BOC: variants seen among roughly 807,000 people sequenced by gnomAD.
The protein encoded by BOC is brother of CDO.
In BOC, 76 loss-of-function variants were observed where a neutral mutation model predicts 112.0. The ratio of observed to expected loss-of-function variants is 0.68; its 90% confidence interval spans 0.56 to 0.82. BOC has a LOEUF of 0.82. Among genes scored for constraint, BOC ranks in the 40% least tolerant of loss-of-function variants. The pLI is 0.00. For missense variants in BOC, 1,309 were observed against 1,511.7 expected, an observed-to-expected ratio of 0.87 and a Z score of 2.22; for synonymous variants, 580 against 599.8, an observed-to-expected ratio of 0.97 and a Z score of 0.48.
intron 2 of BOC, among the ~76,000 whole-genome samples, chr3:113,225,612 G>A (rs1941539399): frequency 6.6e-6 from 1 of 152,192 alleles, no homozygotes; most frequent in African/African-American, 2.4e-5. Context: ...TATTTGCCTG[G>A]CTAATATTAC....
intron 16 of BOC, 24 bp downstream of exon 16, chr3:113,283,656 G>A (rs779841546): frequency 2.9e-5 from 47 of 1,602,828 alleles, no homozygotes; most frequent in Non-Finnish European, 3.9e-5. Flanking sequence ...GCTTTCAGTG[G>A]GAGGATCCTG....
chr3:113,225,271 CA>C (rs369675040), intron 2 of BOC, among the ~76,000 whole-genome samples: 13,398 of 120,166 alleles, frequency 0.11, 613 homozygotes, highest in African/African-American at 0.15. Flanking sequence ...AAGACCTTGT[CA>C]AAAAAAAAAA....
rs1948859292 is a variant in BOC, at chr3:113,278,348, C to G, written c.1705+91C>G. On this transcript the variant is annotated intron_variant, in intron 10 of 19. Transcript: ENST00000682979. This position sits in a 1 kb window ranked among gnomAD's most constrained non-coding sequence, Gnocchi z 4.2. ...GTGAGAATTCCTGCTCACCTTGCCC[C>G]AGCTGTTCACCTTGAACTTCATCTT... The G allele has an allele frequency of 3.6e-6, 5 of 1,383,794 alleles. No individual in the cohort carries two copies. The highest frequency in any genetic ancestry group is 2.6e-5 in the South Asian group (2 of 76,546). The allele number at this position is 1,383,794 out of a possible 1,614,324, so 85.7% of individuals were successfully genotyped here.
At chr3:113,275,311 T>C (rs1413875536) in intron 9 of BOC, among the ~76,000 whole-genome samples, 1 of 152,210 alleles carries the variant, frequency 6.6e-6, no homozygotes, top group Non-Finnish European at 1.5e-5. Flanking sequence ...AGGTGAATGC[T>C]TCAGGAGCTG....
Position 113,270,967 on chromosome 3 carries a change from G to C in BOC, c.667+23G>C, listed in dbSNP as rs368976709. On this transcript the variant is annotated intron_variant, in intron 6 of 19. Transcript: ENST00000682979. The stretch of plus-strand genomic sequence containing the variant: ...GCCGTAAGGCCCGGGCCCACCTGCT[G>C]GGGGATGGGGGATCACTGATGGAAG... 1.9e-6 allele frequency: 3 copies of C among 1,613,810 alleles called. 1 individual carries two copies. Among genetic ancestry groups the C allele is most frequent in the Non-Finnish European group, 1.7e-6 (2 of 1,179,994 alleles).
At chr3:113,242,804 T>C (rs1169420862) in intron 2 of BOC, among the ~76,000 whole-genome samples, 2 of 152,128 alleles carry the variant, frequency 1.3e-5, no homozygotes, top group African/African-American at 4.8e-5. Context: ...CTACCTTGTC[T>C]CTTTTCGTTC....
chr3:113,232,304 C>T lies in BOC; in HGVS notation c.-82+16030C>T, dbSNP rs542101318. On this transcript the variant is annotated intron_variant, in intron 2 of 19. Coordinates refer to ENST00000682979, the MANE Select transcript of BOC (RefSeq NM_001378074.1). ...GGGGCTGGGGGCTTCCAGCAGAAGG[C>T]AGGGACTGTTTGACAGACCAACTGC... Among the ~76,000 whole-genome samples, 10 of 152,298 alleles carry T rather than the reference C, an allele frequency of 6.6e-5. No homozygotes were observed. The East Asian group carries it at 1.9e-3, about 29-fold the overall frequency.
chr3:113,217,350 T>TACAAACAA (rs547941693), intron 2 of BOC, among the ~76,000 whole-genome samples: 6 of 152,090 alleles, frequency 3.9e-5, no homozygotes, highest in Non-Finnish European at 2.9e-5. Context: ...ACTCTGTCTC[T>TACAAACAA]ACAAACAAAC....
chr3:113,251,717 T>C (rs764576510), intron 4 of BOC: 32 of 152,204 alleles, frequency 2.1e-4, no homozygotes, highest in Admixed American at 3.3e-4. Context: ...CCCTCCCAAC[T>C]GAATAATTCT....
At chr3:113,219,211 G>A (rs531738271) in intron 2 of BOC, among the ~76,000 whole-genome samples, 2 of 152,162 alleles carry the variant, frequency 1.3e-5, no homozygotes, top group Non-Finnish European at 2.9e-5. Flanking sequence ...CAAACCTCCC[G>A]GTGCAGGCTT....
intron 17 of BOC, 101 bp downstream of exon 17, chr3:113,284,668 C>G (rs1406527350): frequency 1.3e-6 from 2 of 1,521,408 alleles, no homozygotes; most frequent in Non-Finnish European, 1.8e-6. Flanking sequence ...TCAGGCTGGG[C>G]TGCTGGGCCA....
rs539404898 is a variant in BOC at position 113,281,889 on chromosome 3, TC to T, written c.2434+739del. Among the ~76,000 whole-genome samples the T allele has an allele frequency of 3.9e-5, 6 of 152,310 alleles. No individual in the cohort carries two copies. The East Asian group carries it at 1.2e-3, about 29-fold the overall frequency. ...TCCTCCCTGAGTGCCTCTGTGTCTC[TC>T]CCTGCCCTCTTCCATCATGCACACC... On this transcript the variant is annotated intron_variant, in intron 15 of 19. Transcript: ENST00000682979.
intron 6 of BOC, chr3:113,272,104 A>C: frequency 2.3e-6 from 1 of 441,958 alleles, no homozygotes; most frequent in Non-Finnish European, 4.1e-6. Flanking sequence ...AACTGCCTCT[A>C]CACTCCCTCA....
At position 113,284,788 on chromosome 3, in the gene BOC, G is replaced by A; in HGVS notation, c.2896G>A (p.Asp966Asn). ...TACTCTTCCTTTTGAGCAGCAGAGT[G>A]ACACCAGCAGCCTGCTGAGGCAGAC... ...HCPGELQQQS[D>N]TSSLLRQTHL... The change falls in exon 18 of 20, where the codon GAC becomes AAC. Residue 966 changes from aspartate (D) to asparagine (N), a missense_variant. Transcript: ENST00000682979. The A allele has an allele frequency of 6.2e-7, 1 of 1,614,222 alleles. No individual in the cohort carries two copies. The highest frequency in any genetic ancestry group is 8.5e-7 in the Non-Finnish European group (1 of 1,180,024).
chr3:113,278,811 C>T lies in BOC; in HGVS notation c.1816+28C>T, dbSNP rs1159619744. 11 of 1,542,684 alleles carry T rather than the reference C, an allele frequency of 7.1e-6. No homozygotes were observed. The highest frequency in any genetic ancestry group is 5.5e-5 in the African/African-American group (4 of 72,814). On this transcript the variant is annotated intron_variant, in intron 11 of 19. Transcript: ENST00000682979. The surrounding 1 kb of genome is among the most constrained non-coding windows in gnomAD (Gnocchi z 4.2). ...AAGCCGCTAGCAGCAGGGACGGACG[C>T]GCAGTCAGGACTGGAACTGCCTCAG...
At position 113,279,914 on chromosome 3, in the gene BOC, A is replaced by G; in HGVS notation, c.2114A>G (p.Tyr705Cys). 1 of 1,614,028 alleles carries G rather than the reference A, an allele frequency of 6.2e-7. No homozygotes were observed. The highest frequency in any genetic ancestry group is 8.5e-7 in the Non-Finnish European group (1 of 1,180,000). Residue 705 changes from tyrosine (Y) to cysteine (C), a missense_variant, in exon 13 of 20, where the codon TAC (tyrosine) becomes TGC (cysteine). Tyr to Cys is a radical substitution (Grantham distance 194). Coordinates refer to ENST00000682979, the MANE Select transcript of BOC (RefSeq NM_001378074.1). The stretch of plus-strand genomic sequence containing the variant: ...TCTCGGCCCTACGTGGTGTCGGGCT[A>G]CAGCGGTCGCGTGTACGAGAGGCCC... ...APSRPYVVSGYSGRVYERPVA... is the reference protein window; with the variant it reads ...APSRPYVVSGCSGRVYERPVA...
chr3:113,276,401 G>A (rs973917665), intron 9 of BOC, among the ~76,000 whole-genome samples: 1 of 152,168 alleles, frequency 6.6e-6, no homozygotes, highest in African/African-American at 2.4e-5. Flanking sequence ...GGGAGGGCAG[G>A]GTACATGGGG....
In BOC at chr3:113,280,908, G is replaced by A. The variant is rs6789960; in HGVS notation, c.2312-123G>A. 4.4e-3 allele frequency: 5,953 copies of A among 1,348,626 alleles called. 204 individuals carry two copies. In the African/African-American group the frequency reaches 0.073, roughly 17 times the overall value. The allele number at this position is 1,348,626 out of a possible 1,614,324, so 83.5% of individuals were successfully genotyped here. A position where few individuals can be genotyped will look rare whatever the true frequency, so the allele number is the denominator to read the frequency against. On this transcript the variant is annotated intron_variant, in intron 14 of 19. Coordinates refer to ENST00000682979, the MANE Select transcript of BOC (RefSeq NM_001378074.1). ...TTCCTCCAGCGTTCCTCCACACGCC[G>A]CCCCTGTGCCAGTCAGTGGCATCCT...
chr3:113,217,507 A>G (rs1167722485), intron 2 of BOC, among the ~76,000 whole-genome samples: 3 of 138,344 alleles, frequency 2.2e-5, no homozygotes, highest in Non-Finnish European at 4.7e-5. Flanking sequence ...AGCCTGGGTG[A>G]CAGAGTGAGA....
Sources: allele counts gnomAD v4.1 joint callset (sites outside exome capture counted in the v4.1 genomes callset), GRCh38; gene constraint gnomAD v4.1.1; non-coding constraint Gnocchi (gnomAD v3.1); transcripts MANE v1.5; gene names NCBI Gene and HGNC (gene_info 2026-07-23, HGNC 2026-07-21).